PUM3: variants seen among roughly 807,000 people sequenced by gnomAD.
The protein encoded by PUM3 is pumilio RNA binding family member 3.
PUM3 carries 91 observed loss-of-function variants against 84.0 expected under a neutral mutation model. The ratio of observed to expected loss-of-function variants is 1.08; its 90% CI spans 0.91 to 1.29. The LOEUF (loss-of-function observed/expected upper bound fraction) is 1.29. Among genes scored for constraint, PUM3 ranks in the 50% most tolerant of loss-of-function variants. PUM3 has a pLI of 0.00. For missense variants in PUM3, 1,067 were observed against 767.5 expected, an observed-to-expected ratio of 1.39 and a Z score of -4.61; for synonymous variants, 321 against 266.7, an observed-to-expected ratio of 1.20 and a Z score of -1.98.
intron 1 of PUM3, among the ~76,000 whole-genome samples, chr9:2,842,668 T>C (rs566244815): frequency 6.6e-6 from 1 of 152,200 alleles, no homozygotes; most frequent in South Asian, 2.1e-4. Flanking sequence ...TGGCTTTTTA[T>C]GCTGAGTACT....
chr9:2,843,825 G>C (rs1429197124), intron 1 of PUM3, among the ~76,000 whole-genome samples: 1 of 151,814 alleles, frequency 6.6e-6, no homozygotes, highest in African/African-American at 2.4e-5. Context: ...TGATCCGCCC[G>C]CCTCGGCCTC....
intron 13 of PUM3, among the ~76,000 whole-genome samples, chr9:2,813,470 C>T (rs574044892): frequency 6.6e-6 from 1 of 152,288 alleles, no homozygotes; most frequent in African/African-American, 2.4e-5. Flanking sequence ...GCCAGGTTTA[C>T]AGATGAGGCA....
chr9:2,811,640 T>C, intron 14 of PUM3, 57 bp from the exon 15 acceptor site: 1 of 1,310,902 alleles, frequency 7.6e-7, no homozygotes, highest in Non-Finnish European at 1.1e-6. Flanking sequence ...GGAAATGTGG[T>C]GATATTATCA....
intron 13 of PUM3, among the ~76,000 whole-genome samples, chr9:2,813,475 G>A (rs1821410206): frequency 6.6e-6 from 1 of 152,160 alleles, no homozygotes; most frequent in African/African-American, 2.4e-5. Flanking sequence ...GTTTACAGAT[G>A]AGGCATCCAG....
chr9:2,838,403 C>G (rs986655392), intron 2 of PUM3, 23 bp downstream of exon 2: 6 of 1,527,458 alleles, frequency 3.9e-6, no homozygotes, highest in Non-Finnish European at 5.4e-6. Flanking sequence ...CAGCCAAACA[C>G]CCACATGGGA....
At chr9:2,828,984 A>G (rs184739379) in intron 8 of PUM3, among the ~76,000 whole-genome samples, 1 of 152,368 alleles carries the variant, frequency 6.6e-6, no homozygotes, top group East Asian at 1.9e-4. Context: ...GCATTTAAAG[A>G]GCCAGGCCAA....
chr9:2,811,683 T>A (rs1821377892), intron 14 of PUM3, 100 bp from the exon 15 acceptor site: 2 of 738,124 alleles, frequency 2.7e-6, no homozygotes, highest in East Asian at 2.6e-5. Context: ...ACAGACTGTA[T>A]CGCACTCTAT....
At chr9:2,836,469 C>G (rs1816123398) in intron 3 of PUM3, among the ~76,000 whole-genome samples, 1 of 152,126 alleles carries the variant, frequency 6.6e-6, no homozygotes, top group African/African-American at 2.4e-5. Context: ...TAGAAATGAC[C>G]CACTGAACAT....
At chr9:2,832,307 C>T (rs1489374805) in intron 5 of PUM3, among the ~76,000 whole-genome samples, 1 of 152,154 alleles carries the variant, frequency 6.6e-6, no homozygotes, top group African/African-American at 2.4e-5. Flanking sequence ...TTACTATTCC[C>T]ACTTTACAGA....
In PUM3 at chr9:2,827,026, C is replaced by T. The variant is rs370381831; in HGVS notation, c.1035+47G>A. 8.1e-5 allele frequency: 119 copies of T among 1,461,542 alleles called. No homozygotes were observed. In the Middle Eastern group the frequency reaches 1.6e-3, roughly 19 times the overall value. The allele number at this position is 1,461,542 out of a possible 1,614,324, so 90.5% of individuals were successfully genotyped here. Reference sequence around the variant, plus strand: ...AAAGCAGTTTTTCAAATTTCTACACCGCTCCTCCTCCATGTTTTAGTTTAA... The same window carrying T: ...AAAGCAGTTTTTCAAATTTCTACACTGCTCCTCCTCCATGTTTTAGTTTAA... On this transcript the variant is annotated intron_variant, in intron 10 of 17. Transcript: ENST00000397885.
chr9:2,829,990 G>C (rs1179434858), intron 7 of PUM3, 42 bp from the exon 8 acceptor site: 1 of 1,558,228 alleles, frequency 6.4e-7, no homozygotes, highest in East Asian at 2.3e-5. Flanking sequence ...GATAGAAGGA[G>C]AAAGCTGGGT....
At position 2,816,377 on chromosome 9, in the gene PUM3, G is replaced by T. The variant is rs149144557; in HGVS notation, c.1269+3641C>A. On this transcript the variant is annotated intron_variant, in intron 13 of 17. Transcript: ENST00000397885. ...TTCAGCTGCACTAAAAAAACTGGAA[G>T]GTCTAGTTTAGTGGGTACGCTGCTT... Among the ~76,000 whole-genome samples, 311 of 152,266 alleles carry T rather than the reference G, an allele frequency of 2.0e-3. 1 individual carries two copies. Among genetic ancestry groups the T allele is most frequent in the African/African-American group, 6.6e-3 (276 of 41,544 alleles).
chr9:2,815,221 T>C (rs1442514131), intron 13 of PUM3, among the ~76,000 whole-genome samples: 2 of 152,230 alleles, frequency 1.3e-5, no homozygotes, highest in African/African-American at 4.8e-5. Context: ...CAAAATGTAG[T>C]ATCATTTTTT....
At position 2,820,001 on chromosome 9, in the gene PUM3, C is replaced by T. The variant is rs765507423; in HGVS notation, c.1269+17G>A. The T allele has an allele frequency of 9.9e-6, 15 of 1,521,898 alleles. No individual in the cohort carries two copies. The highest frequency in any genetic ancestry group is 1.1e-5 in the Non-Finnish European group (12 of 1,098,198). The allele number at this position is 1,521,898 out of a possible 1,614,324, so 94.3% of individuals were successfully genotyped here. On this transcript the variant is annotated intron_variant, in intron 13 of 17. Transcript: ENST00000397885. Reference sequence around the variant, plus strand: ...TTATCGATGTAACTTAAATTCAAGACCATCAGGATTACTTACTGATATGAT... The same window carrying T: ...TTATCGATGTAACTTAAATTCAAGATCATCAGGATTACTTACTGATATGAT...
At chr9:2,818,831 G>A (rs1821527023) in intron 13 of PUM3, among the ~76,000 whole-genome samples, 1 of 152,110 alleles carries the variant, frequency 6.6e-6, no homozygotes, top group Non-Finnish European at 1.5e-5. Flanking sequence ...ACCTACGGCT[G>A]GCATCTAAGA....
chr9:2,819,222 A>C (rs1415773947), intron 13 of PUM3, among the ~76,000 whole-genome samples: 3 of 152,226 alleles, frequency 2.0e-5, no homozygotes, highest in Admixed American at 6.5e-5. Context: ...AAACAAAAGA[A>C]AAGACAATTG....
chr9:2,824,733 C>T lies in PUM3; in HGVS notation c.1118G>A (p.Trp373Ter). Reference sequence around the variant, plus strand: ...CACACTTACCTTGGGCGTGCCATGCCACAGGCAGTGCATGGCCACTCTGGC... The same window carrying T: ...CACACTTACCTTGGGCGTGCCATGCTACAGGCAGTGCATGGCCACTCTGGC... ...DGARVAMHCL[W>*]HGTPKDRKVI... is the part of the protein sequence containing the mutation. Residue 373 changes from tryptophan (W) to a stop codon, truncating the protein, a stop_gained, in exon 11 of 18, where the codon TGG (tryptophan) becomes TAG (stop). Transcript: ENST00000397885. LOFTEE classifies it high-confidence loss of function. The T allele has an allele frequency of 1.3e-6, 2 of 1,559,708 alleles. No individual in the cohort carries two copies. Among genetic ancestry groups the T allele is most frequent in the East Asian group, 2.3e-5 (1 of 43,354 alleles).
At position 2,804,330 on chromosome 9, in the gene PUM3, C is replaced by G. The variant is rs768242902; in HGVS notation, c.*1G>C. 1.9e-6 allele frequency: 3 copies of G among 1,612,744 alleles called. No homozygotes were observed. The highest frequency in any genetic ancestry group is 2.5e-6 in the Non-Finnish European group (3 of 1,179,660). ...TCCATCTTGCTCTTAACTCTTTCCA[C>G]CTATGTGCTCAGTTTTTCAAGTAGA... On this transcript the variant is annotated 3_prime_UTR_variant, in exon 18 of 18. Coordinates refer to ENST00000397885, the MANE Select transcript of PUM3 (RefSeq NM_014878.5).
At chr9:2,810,125 GT>G (rs993262660) in intron 16 of PUM3, among the ~76,000 whole-genome samples, 3 of 150,982 alleles carry the variant, frequency 2.0e-5, no homozygotes, top group East Asian at 2.0e-4. Context: ...GGCGGGGGGG[GT>G]TTGGAAAAAA....
Sources: gnomAD v4.1 joint callset for allele counts (sites outside exome capture counted in the v4.1 genomes callset) on GRCh38, gnomAD v4.1.1 for gene constraint, MANE v1.5 for transcripts, NCBI Gene and HGNC (gene_info 2026-07-23, HGNC 2026-07-21) for gene names.